Variants in JAKMIP2 observed in about 807,000 individuals in gnomAD.
JAKMIP2 encodes janus kinase and microtubule interacting protein 2, also known as janus kinase and microtubule-interacting protein 2.
JAKMIP2 carries 25 observed loss-of-function variants against 115.0 expected under a neutral mutation model. The ratio of observed to expected loss-of-function variants is 0.22; its 90% confidence interval spans 0.16 to 0.30. JAKMIP2 has a LOEUF of 0.30. Ranked by LOEUF, JAKMIP2 falls within the 10% of genes least tolerant of loss-of-function variation. The probability of loss-of-function intolerance (pLI) is 1.00; values close to 1 mark genes in which losing one functional copy is unlikely to be tolerated. For missense variants in JAKMIP2, 642 were observed against 957.6 expected, an observed-to-expected ratio of 0.67 and a Z score of 4.35; for synonymous variants, 334 against 343.6, an observed-to-expected ratio of 0.97 and a Z score of 0.31.
intron 1 of JAKMIP2, among the ~76,000 whole-genome samples, chr5:147,780,002 A>C (rs1362571638): frequency 1.3e-5 from 2 of 152,154 alleles, no homozygotes; most frequent in African/African-American, 4.8e-5. Flanking sequence ...TTGAGGTTCC[A>C]AAAAATAGCA....
chr5:147,755,285 A>G (rs1754704714), intron 1 of JAKMIP2, among the ~76,000 whole-genome samples: 2 of 152,242 alleles, frequency 1.3e-5, no homozygotes, highest in South Asian at 2.1e-4. Flanking sequence ...GACTGAACCA[A>G]TGTATATCTT....
chr5:147,619,995 C>A (rs894668802), intron 18 of JAKMIP2, among the ~76,000 whole-genome samples: 9 of 152,154 alleles, frequency 5.9e-5, no homozygotes, highest in Admixed American at 2.0e-4. Flanking sequence ...ATCAGACTCC[C>A]AAATGACTGG....
chr5:147,645,101 G>A lies in JAKMIP2; in HGVS notation c.937-105C>T, dbSNP rs1443612215. The A allele has an allele frequency of 8.1e-6, 8 of 993,428 alleles. No individual in the cohort carries two copies. The South Asian group carries it at 1.2e-4, about 15-fold the overall frequency. The allele number at this position is 993,428 out of a possible 1,614,324, so 61.5% of individuals were successfully genotyped here. On this transcript the variant is annotated intron_variant, in intron 5 of 21. Coordinates refer to ENST00000616793, the MANE Select transcript of JAKMIP2 (RefSeq NM_001270941.2). Reference sequence around the variant, plus strand: ...CACCTCTGGAGACAGCCTTGTCTCTGCTTCACTATGTGGCTGAGGACTGAC... The same window carrying A: ...CACCTCTGGAGACAGCCTTGTCTCTACTTCACTATGTGGCTGAGGACTGAC...
At chr5:147,752,141 A>C (rs1462547199) in intron 1 of JAKMIP2, among the ~76,000 whole-genome samples, 1 of 152,210 alleles carries the variant, frequency 6.6e-6, no homozygotes, top group African/African-American at 2.4e-5. Context: ...CAGGGATGAC[A>C]TCTGATACAT....
intron 1 of JAKMIP2, among the ~76,000 whole-genome samples, chr5:147,738,542 G>T (rs1019830241): frequency 3.9e-5 from 6 of 152,230 alleles, no homozygotes; most frequent in African/African-American, 9.6e-5. Flanking sequence ...ATCTTGAAAT[G>T]AATTTACTGT....
chr5:147,720,656 C>A (rs1427457093), intron 1 of JAKMIP2, among the ~76,000 whole-genome samples: 1 of 152,060 alleles, frequency 6.6e-6, no homozygotes, highest in Non-Finnish European at 1.5e-5. Context: ...CCTGAGGCTT[C>A]TGCATTCTTC....
At chr5:147,729,656 C>A (rs1305714649) in intron 1 of JAKMIP2, among the ~76,000 whole-genome samples, 1 of 151,894 alleles carries the variant, frequency 6.6e-6, no homozygotes, top group Non-Finnish European at 1.5e-5. Flanking sequence ...CGCCTGTAGT[C>A]CCAGCTACTC....
chr5:147,741,038 C>T (rs191251254), intron 1 of JAKMIP2, among the ~76,000 whole-genome samples: 142 of 152,132 alleles, frequency 9.3e-4, no homozygotes, highest in African/African-American at 3.1e-3. Flanking sequence ...GGGATGAAGC[C>T]GATCAGTACA....
chr5:147,599,861 A>G (rs1356102278), intron 21 of JAKMIP2, among the ~76,000 whole-genome samples: 1 of 152,142 alleles, frequency 6.6e-6, no homozygotes, highest in African/African-American at 2.4e-5. Flanking sequence ...CAAATTAGGG[A>G]TAAAAGCAAT....
chr5:147,614,941 G>A (rs1481281967), intron 19 of JAKMIP2, among the ~76,000 whole-genome samples: 1 of 152,156 alleles, frequency 6.6e-6, no homozygotes, highest in Non-Finnish European at 1.5e-5. Flanking sequence ...TGGATCGTAG[G>A]TATCTTCAGA....
rs377220525 is a variant in JAKMIP2, at chr5:147,661,305, C to T, written c.270G>A (p.Glu90=). ...EKMKELQAVR[E]NLIKQHEQEM... is the part of the protein sequence containing the mutation. ...CCTGCTCGTGCTGCTTGATAAGGTT[C>T]TCCCTCACAGCCTGCAGCTCCTTCA... Residue 90 remains glutamate, a synonymous_variant, in exon 3 of 22, where the codon GAG becomes GAA. Transcript: ENST00000616793. The T allele has an allele frequency of 5.6e-6, 9 of 1,613,836 alleles. No individual in the cohort carries two copies. The highest frequency in any genetic ancestry group is 1.7e-5 in the Admixed American group (1 of 59,978).
chr5:147,703,638 G>A (rs1435651249), intron 1 of JAKMIP2, among the ~76,000 whole-genome samples: 2 of 150,068 alleles, frequency 1.3e-5, no homozygotes, highest in Non-Finnish European at 3.0e-5. Flanking sequence ...TGTTTCCCAG[G>A]CTGGTCTCGT....
intron 1 of JAKMIP2, among the ~76,000 whole-genome samples, chr5:147,769,720 A>G (rs549350745): frequency 6.6e-6 from 1 of 150,822 alleles, no homozygotes; most frequent in South Asian, 2.1e-4. Context: ...TAGGACATCA[A>G]TGGGTATTTT....
chr5:147,755,589 C>A (rs188093607), intron 1 of JAKMIP2, among the ~76,000 whole-genome samples: 12 of 152,240 alleles, frequency 7.9e-5, no homozygotes, highest in Non-Finnish European at 1.5e-4. Flanking sequence ...CTTCCAAGTA[C>A]CTCTGTAATT....
intron 1 of JAKMIP2, among the ~76,000 whole-genome samples, chr5:147,680,976 T>G (rs530919288): frequency 3.9e-4 from 59 of 152,342 alleles, no homozygotes; most frequent in African/African-American, 1.2e-3. Context: ...CAGGTTTGTA[T>G]GACTTTTGGT....
chr5:147,770,860 T>C (rs1443217577), intron 1 of JAKMIP2, among the ~76,000 whole-genome samples: 1 of 152,154 alleles, frequency 6.6e-6, no homozygotes, highest in African/African-American at 2.4e-5. Flanking sequence ...AAAAAGTGAA[T>C]CCTGGATTAC....
chr5:147,748,109 A>T (rs956260557), intron 1 of JAKMIP2, among the ~76,000 whole-genome samples: 6 of 152,216 alleles, frequency 3.9e-5, no homozygotes, highest in Non-Finnish European at 5.9e-5. Flanking sequence ...AAAGTATAAC[A>T]TAATGTTGTA....
At chr5:147,648,019 A>G (rs1033088955) in intron 5 of JAKMIP2, among the ~76,000 whole-genome samples, 1 of 152,206 alleles carries the variant, frequency 6.6e-6, no homozygotes, top group Admixed American at 6.5e-5. Context: ...AACAAAGCTG[A>G]GTGAAAGAAG....
chr5:147,780,900 T>C (rs762439817), intron 1 of JAKMIP2, among the ~76,000 whole-genome samples: 2 of 152,192 alleles, frequency 1.3e-5, no homozygotes, highest in African/African-American at 2.4e-5. Context: ...AAAACTATAA[T>C]AGCCCATGTG....
Sources: gnomAD v4.1 joint callset for allele counts (sites outside exome capture counted in the v4.1 genomes callset) on GRCh38, gnomAD v4.1.1 for gene constraint, MANE v1.5 for transcripts, NCBI Gene and HGNC (gene_info 2026-07-23, HGNC 2026-07-21) for gene names.